The following RIMS2 variants were observed in gnomAD, a reference collection of about 807,000 sequenced individuals.
RIMS2 encodes the protein regulating synaptic membrane exocytosis 2.
Under a neutral mutation model 174.4 loss-of-function variants are expected in RIMS2, and 59 were observed. The observed-to-expected ratio is 0.34, with a 90% CI of 0.27 to 0.42. The LOEUF is 0.42. RIMS2 is among the 10% of genes least tolerant of loss of function. The probability of loss-of-function intolerance (pLI) is 1.00; values close to 1 mark genes in which losing one functional copy is unlikely to be tolerated. For synonymous variants in RIMS2, 606 were observed against 572.5 expected (o/e 1.06, Z -0.84); for missense variants, 1,620 against 1,666.3 (o/e 0.97, Z 0.48).
intron 19 of RIMS2, among the ~76,000 whole-genome samples, chr8:104,033,502 A>G (rs13257910): frequency 0.64 from 97,732 of 151,826 alleles, 32,258 homozygotes; most frequent in Non-Finnish European, 0.7. Flanking sequence ...ACAATGCAAT[A>G]TTTAAAAAAT....
intron 1 of RIMS2, among the ~76,000 whole-genome samples, chr8:103,672,176 C>G (rs1043846880): frequency 6.6e-6 from 1 of 151,796 alleles, no homozygotes; most frequent in African/African-American, 2.4e-5. Context: ...CAATATGGGA[C>G]AGTATCTGTG....
chr8:103,969,375 C>G (rs964163068), intron 15 of RIMS2, among the ~76,000 whole-genome samples: 95 of 151,970 alleles, frequency 6.3e-4, no homozygotes, highest in African/African-American at 1.9e-3. Context: ...ATGTTCTTTT[C>G]TGTTATTTTT....
At chr8:103,620,943 A>G (rs1259744887) in intron 1 of RIMS2, among the ~76,000 whole-genome samples, 1 of 152,230 alleles carries the variant, frequency 6.6e-6, no homozygotes, top group Non-Finnish European at 1.5e-5. Flanking sequence ...GGAAAATTTC[A>G]CTGCATACTT....
At chr8:103,818,647 G>T (rs1367052153) in intron 3 of RIMS2, among the ~76,000 whole-genome samples, 5 of 152,072 alleles carry the variant, frequency 3.3e-5, no homozygotes, top group Admixed American at 2.0e-4. Context: ...TGGTGTTTAG[G>T]TGAATTTTAA....
intron 3 of RIMS2, among the ~76,000 whole-genome samples, chr8:103,852,178 G>A (rs920524784): frequency 6.6e-6 from 1 of 152,024 alleles, no homozygotes; most frequent in African/African-American, 2.4e-5. Flanking sequence ...TGTCAGAAAA[G>A]CTGGTTTGCC....
chr8:103,536,814 C>T (rs1011131131), intron 1 of RIMS2, among the ~76,000 whole-genome samples: 15 of 152,092 alleles, frequency 9.9e-5, no homozygotes, highest in African/African-American at 3.1e-4. Context: ...GATCACAATT[C>T]GATGTGAGAT....
chr8:103,844,907 C>T (rs1163832331), intron 3 of RIMS2, among the ~76,000 whole-genome samples: 1 of 151,986 alleles, frequency 6.6e-6, no homozygotes, highest in East Asian at 1.9e-4. Flanking sequence ...GAGAATATTA[C>T]TTTATTGACT....
At chr8:104,120,717 G>C (rs1265003188) in intron 19 of RIMS2, among the ~76,000 whole-genome samples, 1 of 152,008 alleles carries the variant, frequency 6.6e-6, no homozygotes, top group Non-Finnish European at 1.5e-5. Flanking sequence ...CAGCAACTTA[G>C]AGTATTATAA....
intron 19 of RIMS2, among the ~76,000 whole-genome samples, chr8:104,226,443 C>A (rs1044053922): frequency 1.3e-5 from 2 of 152,168 alleles, no homozygotes; most frequent in African/African-American, 2.4e-5. Flanking sequence ...AGATCATATT[C>A]TTTTCGTTCA....
chr8:103,834,793 G>A (rs569840282), intron 3 of RIMS2, among the ~76,000 whole-genome samples: 13 of 137,708 alleles, frequency 9.4e-5, no homozygotes, highest in Non-Finnish European at 1.5e-4. Context: ...TCTTTCTTTC[G>A]AGACAGGGTC....
intron 19 of RIMS2, among the ~76,000 whole-genome samples, chr8:104,044,872 C>A (rs1196042132): frequency 6.6e-6 from 1 of 151,188 alleles, no homozygotes; most frequent in Admixed American, 6.6e-5. Context: ...GCATTCTCTT[C>A]CAAAGTAAGA....
chr8:103,550,716 T>C (rs2131576523), intron 1 of RIMS2, among the ~76,000 whole-genome samples: 1 of 151,912 alleles, frequency 6.6e-6, no homozygotes, highest in Admixed American at 6.6e-5. Flanking sequence ...CTAGCAAGAC[T>C]AATAAAGAAG....
At chr8:104,184,385 G>A (rs1443609459) in intron 19 of RIMS2, among the ~76,000 whole-genome samples, 2 of 151,496 alleles carry the variant, frequency 1.3e-5, no homozygotes, top group East Asian at 3.9e-4. Context: ...AAATTCATGT[G>A]TAAACATGTT....
At chr8:103,684,938 T>C (rs1000321522) in intron 1 of RIMS2, among the ~76,000 whole-genome samples, 4 of 152,156 alleles carry the variant, frequency 2.6e-5, no homozygotes, top group Non-Finnish European at 4.4e-5. Context: ...ATCTAAGAAG[T>C]CTTTGTTTAT....
intron 19 of RIMS2, 143 bp downstream of exon 23, chr8:104,068,755 G>T (rs1330843490): frequency 1.8e-6 from 1 of 557,690 alleles, no homozygotes; most frequent in African/African-American, 1.9e-5. Context: ...TAAAATTTAT[G>T]TGTTTGTATA....
chr8:103,562,112 C>G (rs1587801271), intron 1 of RIMS2, among the ~76,000 whole-genome samples: 1 of 152,192 alleles, frequency 6.6e-6, no homozygotes, highest in African/African-American at 2.4e-5. Context: ...AACAACCAAA[C>G]CATATCATTT....
chr8:103,746,749 C>G (rs573992007), intron 2 of RIMS2, among the ~76,000 whole-genome samples: 1 of 151,972 alleles, frequency 6.6e-6, no homozygotes, highest in Admixed American at 6.5e-5. Context: ...GGTGCCATCT[C>G]GGCTCACTGC....
At chr8:103,652,535 C>A in intron 1 of RIMS2, 89 bp from the exon 3 acceptor site, 1 of 621,954 alleles carries the variant, frequency 1.6e-6, no homozygotes, top group Non-Finnish European at 2.6e-6. Flanking sequence ...AGCTTTTGTG[C>A]CTGTGTATTT....
intron 19 of RIMS2, among the ~76,000 whole-genome samples, chr8:104,119,168 A>C (rs890028326): frequency 1.3e-5 from 2 of 151,338 alleles, no homozygotes; most frequent in Non-Finnish European, 2.9e-5. Context: ...CAACATGGTA[A>C]ACCCCGTCTC....
Sources: gnomAD v4.1 joint callset for allele counts (sites outside exome capture counted in the v4.1 genomes callset) on GRCh38, gnomAD v4.1.1 for gene constraint, MANE v1.5 for transcripts, NCBI Gene and HGNC (gene_info 2026-07-23, HGNC 2026-07-21) for gene names.